Variants in GBF1 observed in about 807,000 individuals in gnomAD.
GBF1 encodes Golgi-specific brefeldin A-resistance guanine nucleotide exchange factor 1.
GBF1 carries 114 observed loss-of-function variants against 210.5 expected under a neutral mutation model. The ratio of observed to expected loss-of-function variants is 0.54; its 90% CI spans 0.47 to 0.63. GBF1 has a LOEUF of 0.63. Ranked by LOEUF, GBF1 falls within the 30% of genes least tolerant of loss-of-function variation. The pLI is 0.00. For missense variants in GBF1, 1,851 were observed against 2,357.7 expected (o/e 0.79, Z 4.45); for synonymous variants, 850 against 889.2 (o/e 0.96, Z 0.78).
intron 1 of GBF1, among the ~76,000 whole-genome samples, chr10:102,248,555 A>C (rs868477641): frequency 6.6e-6 from 1 of 152,092 alleles, no homozygotes; most frequent in Admixed American, 6.5e-5. Context: ...GAGTTAATTG[A>C]GTCCCATGGG....
At chr10:102,312,407 C>T (rs947058705) in intron 3 of GBF1, among the ~76,000 whole-genome samples, 3 of 152,150 alleles carry the variant, frequency 2.0e-5, no homozygotes, top group African/African-American at 4.8e-5. Flanking sequence ...GCTGTAGCCA[C>T]GGCAGCTCTA....
chr10:102,263,932 G>A (rs2133181533), intron 3 of GBF1, among the ~76,000 whole-genome samples: 1 of 152,272 alleles, frequency 6.6e-6, no homozygotes, highest in African/African-American at 2.4e-5. Context: ...TGGTCTTGAA[G>A]TCCTCTCAGG....
intron 3 of GBF1, among the ~76,000 whole-genome samples, chr10:102,330,512 C>T (rs186290743): frequency 2.6e-4 from 40 of 152,010 alleles, no homozygotes; most frequent in African/African-American, 6.7e-4. Flanking sequence ...GGCGAAACCC[C>T]GTCTCTACTA....
intron 1 of GBF1, among the ~76,000 whole-genome samples, chr10:102,255,990 G>A (rs1590488338): frequency 6.6e-6 from 1 of 152,194 alleles, no homozygotes. Flanking sequence ...CTGTTGCCCA[G>A]GCTTGAGTGC....
At chr10:102,367,025 A>G in intron 19 of GBF1, 60 bp from the exon 20 acceptor site, 1 of 1,595,524 alleles carries the variant, frequency 6.3e-7, no homozygotes, top group African/African-American at 1.3e-5. Flanking sequence ...GTGGGTTGGT[A>G]GTGAGGGTTT....
chr10:102,314,940 C>T (rs1311605115), intron 3 of GBF1, among the ~76,000 whole-genome samples: 1 of 152,186 alleles, frequency 6.6e-6, no homozygotes, highest in Admixed American at 6.5e-5. Flanking sequence ...AATACAGCCA[C>T]CTCAAAGTTT....
rs1565175633 is a variant in GBF1 at position 102,370,691 on chromosome 10, C to T, written c.3507-16C>T. On this transcript the variant is annotated splice_polypyrimidine_tract_variant and intron_variant, in intron 28 of 39. Coordinates refer to ENST00000369983, the MANE Select transcript of GBF1 (RefSeq NM_001377137.1). ...CCTCTGGCTGAGACTATCTTCATTC[C>T]TTTATGTCTACACAGGGATCGTGTG... The T allele has an allele frequency of 6.2e-7, 1 of 1,612,836 alleles. No homozygotes were observed. The highest frequency in any genetic ancestry group is 1.1e-5 in the South Asian group (1 of 91,014).
intron 3 of GBF1, among the ~76,000 whole-genome samples, chr10:102,267,135 T>G (rs562304618): frequency 6.6e-6 from 1 of 152,344 alleles, no homozygotes; most frequent in African/African-American, 2.4e-5. Context: ...AAGTTTAATC[T>G]GTTTCATTTG....
At chr10:102,243,472 C>G (rs556129048), upstream of GBF1, among the ~76,000 whole-genome samples, 7 of 152,272 alleles carry the variant, frequency 4.6e-5, no homozygotes, top group East Asian at 1.2e-3. Flanking sequence ...ATTGTCATCT[C>G]TCTCCTCCCC....
chr10:102,264,225 C>T (rs1187168847), intron 3 of GBF1, among the ~76,000 whole-genome samples: 1 of 152,120 alleles, frequency 6.6e-6, no homozygotes, highest in African/African-American at 2.4e-5. Context: ...AGTTTTTTCT[C>T]AGGTCTCAGA....
Position 102,367,068 on chromosome 10 carries a change from G to A in GBF1, c.2434-17G>A. 6.2e-7 allele frequency: 1 copy of A among 1,613,834 alleles called. No individual in the cohort carries two copies. Among genetic ancestry groups the A allele is most frequent in the Non-Finnish European group, 8.5e-7 (1 of 1,179,824 alleles). ...CAGAGAAGGGCATTGACACAGGCGG[G>A]ATCTTTGCTTTTTCAGAATTGTAAT... On this transcript the variant is annotated splice_polypyrimidine_tract_variant and intron_variant, in intron 19 of 39. Transcript: ENST00000369983.
chr10:102,318,488 TG>T (rs1412781116), intron 3 of GBF1, among the ~76,000 whole-genome samples: 3 of 152,080 alleles, frequency 2.0e-5, no homozygotes, highest in Non-Finnish European at 1.5e-5. Flanking sequence ...CCGTGCCCAG[TG>T]GTTATTTAGA....
intron 3 of GBF1, among the ~76,000 whole-genome samples, chr10:102,342,704 C>T (rs184862689): frequency 3.9e-5 from 6 of 152,154 alleles, no homozygotes; most frequent in Admixed American, 2.6e-4. Flanking sequence ...TTCCTTTTGT[C>T]TCTAAAGGTG....
intron 1 of GBF1, among the ~76,000 whole-genome samples, chr10:102,253,182 A>G (rs1320648897): frequency 6.6e-6 from 1 of 152,156 alleles, no homozygotes; most frequent in African/African-American, 2.4e-5. Context: ...AGCATGAGCC[A>G]CTGCCCCCAG....
Position 102,366,512 on chromosome 10 carries a change from T to A in GBF1, c.2433+6T>A. On this transcript the variant is annotated splice_donor_region_variant and intron_variant, in intron 19 of 39. Coordinates refer to ENST00000369983, the MANE Select transcript of GBF1 (RefSeq NM_001377137.1). The surrounding 1 kb of genome is among the most constrained non-coding windows in gnomAD (Gnocchi z 4.0). ...CATTCACAGAGCGTTGGATGGTGAG[T>A]TTGAGTGTCAGGGGCTGAGCCCAGG... 4 of 1,613,432 alleles carry A rather than the reference T, an allele frequency of 2.5e-6. No individual in the cohort carries two copies. The South Asian group carries it at 3.3e-5, about 13-fold the overall frequency.
chr10:102,332,932 C>A (rs998069013), intron 3 of GBF1, among the ~76,000 whole-genome samples: 5 of 152,186 alleles, frequency 3.3e-5, no homozygotes, highest in Non-Finnish European at 7.3e-5. Flanking sequence ...AGAAAAGAGC[C>A]ACTGTGAAGA....
At chr10:102,252,709 T>C (rs969010372) in intron 1 of GBF1, among the ~76,000 whole-genome samples, 1 of 151,976 alleles carries the variant, frequency 6.6e-6, no homozygotes, top group African/African-American at 2.4e-5. Context: ...TAGCCAGGCA[T>C]GGTGACTCAT....
chr10:102,362,930 G>A (rs1163686460), intron 15 of GBF1, among the ~76,000 whole-genome samples: 3 of 152,246 alleles, frequency 2.0e-5, no homozygotes, highest in African/African-American at 2.4e-5. Flanking sequence ...AAGAATATAG[G>A]ATTTCTGTCT....
At position 102,375,544 on chromosome 10, in the gene GBF1, T is replaced by C. The variant is rs774321130; in HGVS notation, c.3846T>C (p.Ala1282=). The C allele has an allele frequency of 6.2e-7, 1 of 1,613,606 alleles. No individual in the cohort carries two copies. Among genetic ancestry groups the C allele is most frequent in the South Asian group, 1.1e-5 (1 of 91,068 alleles). The part of the protein sequence containing the change: ...ECIGSGVKPP[A]ALQATARADA... ...TCGGCTCAGGTGTGAAGCCTCCAGC[T>C]GCTCTGCAGGCCACAGCCAGGGCAG... Residue 1282 remains alanine (A), a synonymous_variant, in exon 30 of 40, where the codon GCT becomes GCC. Coordinates refer to ENST00000369983, the MANE Select transcript of GBF1 (RefSeq NM_001377137.1).
Sources: gnomAD v4.1 joint callset for allele counts (sites outside exome capture counted in the v4.1 genomes callset) on GRCh38, gnomAD v4.1.1 for gene constraint, Gnocchi (gnomAD v3.1) non-coding constraint, MANE v1.5 for transcripts, NCBI Gene and HGNC (gene_info 2026-07-23, HGNC 2026-07-21) for gene names.